The following KIF13A variants were observed in gnomAD, a reference collection of about 807,000 sequenced individuals.
The protein encoded by KIF13A is kinesin-like protein KIF13A.
In KIF13A, 79 loss-of-function variants were observed where a neutral mutation model predicts 212.2. The observed-to-expected ratio is 0.37, with a 90% CI of 0.31 to 0.45. The LOEUF is 0.45. KIF13A is among the 20% of genes least tolerant of loss of function. The pLI is 1.00. For synonymous variants in KIF13A, 789 were observed against 808.6 expected (o/e 0.98, Z 0.41); for missense variants, 1,901 against 2,209.0 (o/e 0.86, Z 2.79).
rs1351096426 is a variant in KIF13A at position 17,915,683 on chromosome 6, C to G, written c.147-17503G>C. On this transcript the variant is annotated intron_variant, in intron 2 of 38. Coordinates refer to ENST00000259711, the MANE Select transcript of KIF13A (RefSeq NM_022113.6). This position sits in a 1 kb window ranked among gnomAD's most constrained non-coding sequence, Gnocchi z 4.4. ...AGGACAGGAAAATTACAGTTCAGGC[C>G]AGGCACAGTGGCTCACGCCTGTAAT... Among the ~76,000 whole-genome samples the G allele has an allele frequency of 6.6e-6, 1 of 152,104 alleles. No homozygotes were observed. Among genetic ancestry groups the G allele is most frequent in the Non-Finnish European group, 1.5e-5 (1 of 68,022 alleles).
At chr6:17,978,503 T>G (rs950932888) in intron 2 of KIF13A, among the ~76,000 whole-genome samples, 1 of 152,234 alleles carries the variant, frequency 6.6e-6, no homozygotes, top group Non-Finnish European at 1.5e-5. Flanking sequence ...ATTAATAAAC[T>G]GAATTTCTTA....
chr6:17,920,222 C>A (rs1394973947), intron 2 of KIF13A, among the ~76,000 whole-genome samples: 2 of 152,030 alleles, frequency 1.3e-5, no homozygotes, highest in Admixed American at 6.5e-5. Context: ...AATCAGCAGG[C>A]CTCAAACCTG....
chr6:17,810,882 G>C (rs1186147431), intron 17 of KIF13A, among the ~76,000 whole-genome samples: 3 of 152,220 alleles, frequency 2.0e-5, no homozygotes, highest in Non-Finnish European at 4.4e-5. Flanking sequence ...AGCAGCTGTA[G>C]ACACAGATGA....
intron 2 of KIF13A, among the ~76,000 whole-genome samples, chr6:17,946,797 A>G (rs745616412): frequency 6.6e-6 from 1 of 152,224 alleles, no homozygotes; most frequent in Non-Finnish European, 1.5e-5. Context: ...AACTACCCAA[A>G]TGTCCATCAA....
chr6:17,974,853 A>C (rs1172937903), intron 2 of KIF13A, among the ~76,000 whole-genome samples: 1 of 152,242 alleles, frequency 6.6e-6, no homozygotes, highest in Admixed American at 6.5e-5. Context: ...TGAAAATAAA[A>C]GTTAAATTCC....
chr6:17,792,576 T>C lies in KIF13A; in HGVS notation c.3222+1673A>G, dbSNP rs559473259. The stretch of plus-strand genomic sequence containing the variant: ...GGCTAAGTGAAGGACTGAACTGCTA[T>C]GAGAATACCTACAATCCCATTTCCT... On this transcript the variant is annotated intron_variant, in intron 25 of 38. Transcript: ENST00000259711. 2.6e-5 allele frequency among the ~76,000 whole-genome samples: 4 copies of C among 152,298 alleles called. No individual in the cohort carries two copies. In the East Asian group the frequency reaches 7.7e-4, roughly 29 times the overall value.
chr6:17,858,081 ATGTGTGTGTG>A (rs58092993), intron 4 of KIF13A, among the ~76,000 whole-genome samples: 29 of 144,676 alleles, frequency 2.0e-4, no homozygotes, highest in African/African-American at 5.8e-4. Context: ...TCAAATAGTT[ATGTGTGTGTG>A]TGTGTGTGTG....
intron 9 of KIF13A, among the ~76,000 whole-genome samples, chr6:17,846,194 G>A (rs536956038): frequency 7.9e-5 from 12 of 151,644 alleles, no homozygotes; most frequent in Non-Finnish European, 1.6e-4. Flanking sequence ...GACTTCAAGC[G>A]AGCCACCTGC....
At chr6:17,797,832 A>AG (rs1762173296) in intron 22 of KIF13A, among the ~76,000 whole-genome samples, 1 of 152,208 alleles carries the variant, frequency 6.6e-6, no homozygotes, top group African/African-American at 2.4e-5. Context: ...CAGGAGTTCG[A>AG]GGCTGCAGTG....
chr6:17,772,315 G>A lies in KIF13A; in HGVS notation c.4325-256C>T, dbSNP rs183919814. Among the ~76,000 whole-genome samples, 35 of 152,244 alleles carry A rather than the reference G, an allele frequency of 2.3e-4. No individual in the cohort carries two copies. Among genetic ancestry groups the A allele is most frequent in the East Asian group, 2.1e-3 (11 of 5,188 alleles). The stretch of plus-strand genomic sequence containing the variant: ...TACTTGCTACTCAGGAGGCTGAGGC[G>A]AGAAGATCGCTTGAGCCCCAGGGGT... On this transcript the variant is annotated intron_variant, in intron 36 of 38. Transcript: ENST00000259711. This position sits in a 1 kb window ranked among gnomAD's most constrained non-coding sequence, Gnocchi z 4.8.
At chr6:17,805,930 T>TTG (rs1487322409) in intron 18 of KIF13A, among the ~76,000 whole-genome samples, 1 of 128,012 alleles carries the variant, frequency 7.8e-6, no homozygotes, top group Non-Finnish European at 1.7e-5. Context: ...CGATTTTTTT[T>TTG]TTTTTTTGAG....
chr6:17,765,332 A>G (rs553198575), intron 38 of KIF13A, among the ~76,000 whole-genome samples: 5 of 152,336 alleles, frequency 3.3e-5, no homozygotes, highest in African/African-American at 9.6e-5. Flanking sequence ...GAGCAGAGAA[A>G]CAGGCAGAAG....
chr6:17,853,647 A>G (rs1243670131), intron 6 of KIF13A, among the ~76,000 whole-genome samples: 3 of 152,234 alleles, frequency 2.0e-5, no homozygotes, highest in African/African-American at 7.2e-5. Flanking sequence ...ATGCTAAGAC[A>G]ACAGTAAAAA....
In KIF13A at chr6:17,780,760, T is replaced by A; in HGVS notation, c.3816A>T (p.Lys1272Asn). 1 of 1,613,982 alleles carries A rather than the reference T, an allele frequency of 6.2e-7. No homozygotes were observed. The highest frequency in any genetic ancestry group is 8.5e-7 in the Non-Finnish European group (1 of 1,179,878). The change falls in exon 31 of 39, where the codon AAA becomes AAT. Residue 1272 changes from lysine to asparagine, a missense_variant. Physicochemically the swap from Lys to Asn is moderately conservative, Grantham distance 94. Transcript: ENST00000259711. ...TGTTGTAAATATTGGCTGCAATTCG[T>A]TTTCGTAATACTAACTCCATAGCAG... is the stretch of plus-strand genomic sequence containing the variant. ...HPAAMELVLRKRIAANIYNKQ... is the reference protein window; with the variant it reads ...HPAAMELVLRNRIAANIYNKQ...
chr6:17,809,285 G>A lies in KIF13A; in HGVS notation c.2001-355C>T, dbSNP rs748415458. Among the ~76,000 whole-genome samples, 15 of 152,206 alleles carry A rather than the reference G, an allele frequency of 9.9e-5. No homozygotes were observed. Among genetic ancestry groups the A allele is most frequent in the Admixed American group, 2.6e-4 (4 of 15,278 alleles). ...TGCTGAGGGAGGGTGGTGGGGCAGG[G>A]AGGGGTTGGCAGATGAGAGAAACCT... is the stretch of plus-strand genomic sequence containing the variant. On this transcript the variant is annotated intron_variant, in intron 17 of 38. Transcript: ENST00000259711. This position sits in a 1 kb window ranked among gnomAD's most constrained non-coding sequence, Gnocchi z 4.7.
chr6:17,888,755 G>A lies in KIF13A; in HGVS notation c.159+9413C>T, dbSNP rs1771776667. ...TGAGAGAATTGCTTGAACCTAGGAGGTGGAGGTTGCAGTGAGCCGAGACTG... is the reference window on the plus strand; with the variant it reads ...TGAGAGAATTGCTTGAACCTAGGAGATGGAGGTTGCAGTGAGCCGAGACTG... On this transcript the variant is annotated intron_variant, in intron 3 of 38. Transcript: ENST00000259711. This position sits in a 1 kb window ranked among gnomAD's most constrained non-coding sequence, Gnocchi z 4.8. 6.6e-6 allele frequency among the ~76,000 whole-genome samples: 1 copy of A among 152,114 alleles called. No individual in the cohort carries two copies. The highest frequency in any genetic ancestry group is 2.1e-4 in the South Asian group (1 of 4,820).
intron 2 of KIF13A, chr6:17,953,792 A>ATCCT (rs1778094622): frequency 5.5e-6 from 1 of 183,044 alleles, no homozygotes; most frequent in African/African-American, 2.3e-5. Context: ...TGACGACAGG[A>ATCCT]GACTAGGGGA....
Position 17,806,248 on chromosome 6 carries a change from T to G in KIF13A, c.2164-633A>C, listed in dbSNP as rs1202413022. On this transcript the variant is annotated intron_variant, in intron 18 of 38. Coordinates refer to ENST00000259711, the MANE Select transcript of KIF13A (RefSeq NM_022113.6). Reference sequence around the variant, plus strand: ...AGGCCCAGCCATAACCATGATTTTTTAATGGCAACACAGCAGTGTCCTTAG... The same window carrying G: ...AGGCCCAGCCATAACCATGATTTTTGAATGGCAACACAGCAGTGTCCTTAG... 3.3e-5 allele frequency among the ~76,000 whole-genome samples: 5 copies of G among 152,324 alleles called. No individual in the cohort carries two copies. The East Asian group carries it at 9.6e-4, about 29-fold the overall frequency.
At chr6:17,831,631 A>C (rs1424864170) in intron 12 of KIF13A, among the ~76,000 whole-genome samples, 2 of 150,888 alleles carry the variant, frequency 1.3e-5, no homozygotes, top group African/African-American at 2.4e-5. Flanking sequence ...TTCTTGAAGC[A>C]TAAGAATAAT....
Sources: gnomAD v4.1 joint callset for allele counts (sites outside exome capture counted in the v4.1 genomes callset) on GRCh38, gnomAD v4.1.1 for gene constraint, Gnocchi (gnomAD v3.1) non-coding constraint, MANE v1.5 for transcripts, NCBI Gene and HGNC (gene_info 2026-07-23, HGNC 2026-07-21) for gene names.